The following EYS variants were observed in gnomAD, a reference collection of about 807,000 sequenced individuals.
EYS encodes the protein EGF-like photoreceptor maintenance factor, also known as protein eyes shut homolog.
A neutral mutation model predicts 282.1 loss-of-function variants in EYS; 250 were observed. That is an observed-to-expected ratio of 0.89 (90% CI 0.80 to 0.98). The LOEUF is 0.98. Among genes scored for constraint, EYS ranks in the 50% least tolerant of loss-of-function variants. The pLI is 0.00. For synonymous variants in EYS, 1,355 were observed against 1,282.9 expected (o/e 1.06, Z -1.20); for missense variants, 4,016 against 3,709.0 (o/e 1.08, Z -2.15).
intron 31 of EYS, among the ~76,000 whole-genome samples, chr6:64,228,579 G>A (rs1040913520): frequency 1.3e-5 from 2 of 152,002 alleles, no homozygotes; most frequent in Non-Finnish European, 2.9e-5. Flanking sequence ...TTAATGGTTA[G>A]CAAAACATTA....
At chr6:64,566,897 C>T (rs1765582802) in intron 26 of EYS, among the ~76,000 whole-genome samples, 1 of 152,088 alleles carries the variant, frequency 6.6e-6, no homozygotes, top group African/African-American at 2.4e-5. Flanking sequence ...CCTCAGCCTC[C>T]CAAGCAGCTG....
rs376084012 is a variant in EYS at position 65,460,623 on chromosome 6, C to A, written c.862+29971G>T. On this transcript the variant is annotated intron_variant, in intron 5 of 42. Transcript: ENST00000503581. ...ATTCATGCTGACGTAGAGCCAAAAGCCAGCTTTAGTTTACTCAGCCTTCCT... is the reference window on the plus strand; with the variant it reads ...ATTCATGCTGACGTAGAGCCAAAAGACAGCTTTAGTTTACTCAGCCTTCCT... Among the ~76,000 whole-genome samples, 44 of 152,124 alleles carry A rather than the reference C, an allele frequency of 2.9e-4. 1 individual carries two copies. The South Asian group carries it at 9.1e-3, about 32-fold the overall frequency.
chr6:65,247,898 C>T (rs986387102), intron 12 of EYS, among the ~76,000 whole-genome samples: 2 of 151,878 alleles, frequency 1.3e-5, no homozygotes, highest in Non-Finnish European at 2.9e-5. Flanking sequence ...TTAGGCTTTA[C>T]AATTAAATAG....
At chr6:64,499,868 C>A (rs72872787) in intron 26 of EYS, among the ~76,000 whole-genome samples, 8 of 152,198 alleles carry the variant, frequency 5.3e-5, no homozygotes, top group Non-Finnish European at 1.0e-4. Context: ...TTCTGCTTAA[C>A]TCTGAAATGC....
intron 22 of EYS, among the ~76,000 whole-genome samples, chr6:64,765,752 C>T (rs1307510467): frequency 6.6e-6 from 1 of 152,026 alleles, no homozygotes; most frequent in Non-Finnish European, 1.5e-5. Flanking sequence ...ACTATCAGAT[C>T]TCATGAGATC....
chr6:65,080,379 C>T (rs1188661240), intron 12 of EYS, among the ~76,000 whole-genome samples: 1 of 152,058 alleles, frequency 6.6e-6, no homozygotes, highest in African/African-American at 2.4e-5. Flanking sequence ...CTTAATGTGA[C>T]TTTTTTAAGC....
At chr6:65,443,163 T>C (rs568062331) in intron 5 of EYS, among the ~76,000 whole-genome samples, 2 of 144,754 alleles carry the variant, frequency 1.4e-5, no homozygotes, top group Admixed American at 7.1e-5. Context: ...TACACATATA[T>C]GAGCACATAT....
chr6:65,248,053 G>A (rs888654017), intron 12 of EYS, among the ~76,000 whole-genome samples: 1 of 151,872 alleles, frequency 6.6e-6, no homozygotes, highest in Non-Finnish European at 1.5e-5. Context: ...TTATTTAAAA[G>A]AAAGAAAAGC....
chr6:65,273,556 A>G (rs149211760), intron 12 of EYS, among the ~76,000 whole-genome samples: 1 of 152,250 alleles, frequency 6.6e-6, no homozygotes, highest in East Asian at 1.9e-4. Context: ...AGACACCCCC[A>G]ATCCAGAGCA....
rs1165424683 is a variant in EYS, at chr6:63,757,453, G to T, written c.8071+5008C>A. ...AGCTGAACATAGACCCTTATCAGGA[G>T]TTTTTGACTTTGCCCTTTGCCTTGT... On this transcript the variant is annotated intron_variant, in intron 41 of 42. Coordinates refer to ENST00000503581, the MANE Select transcript of EYS (RefSeq NM_001142800.2). Among the ~76,000 whole-genome samples, 3 of 152,074 alleles carry T rather than the reference G, an allele frequency of 2.0e-5. No individual in the cohort carries two copies. In the East Asian group the frequency reaches 5.8e-4, roughly 29 times the overall value.
intron 8 of EYS, among the ~76,000 whole-genome samples, chr6:65,356,940 T>C (rs887351385): frequency 2.6e-5 from 4 of 152,010 alleles, no homozygotes; most frequent in African/African-American, 7.2e-5. Flanking sequence ...TGAAAATAGA[T>C]GTACAATATA....
intron 26 of EYS, among the ~76,000 whole-genome samples, chr6:64,447,637 AG>A (rs1230357681): frequency 1.3e-5 from 2 of 152,238 alleles, no homozygotes; most frequent in African/African-American, 2.4e-5. Context: ...TGCCAAAAAA[AG>A]TTTACAAAAC....
In EYS at chr6:64,658,628, C is replaced by T. The variant is rs536643915; in HGVS notation, c.3444-32383G>A. ...GTTTGCTGGAGATCCACTCCAGACC[C>T]TGTTTGCCTGGGTATCAGCAGCGGA... On this transcript the variant is annotated intron_variant, in intron 22 of 42. Coordinates refer to ENST00000503581, the MANE Select transcript of EYS (RefSeq NM_001142800.2). Among the ~76,000 whole-genome samples, 3 of 152,304 alleles carry T rather than the reference C, an allele frequency of 2.0e-5. No homozygotes were observed. The East Asian group carries it at 5.8e-4, about 29-fold the overall frequency.
At chr6:65,072,073 T>C (rs768196878) in intron 12 of EYS, among the ~76,000 whole-genome samples, 1 of 151,768 alleles carries the variant, frequency 6.6e-6, no homozygotes, top group East Asian at 1.9e-4. Context: ...CTAAGACAAA[T>C]AGTAAGCTCC....
chr6:64,495,123 C>T (rs1397097325), intron 26 of EYS, among the ~76,000 whole-genome samples: 1 of 151,494 alleles, frequency 6.6e-6, no homozygotes, highest in African/African-American at 2.4e-5. Context: ...TATTTTAATG[C>T]TAAGATAATA....
At chr6:65,294,742 C>G (rs1198980024) in intron 12 of EYS, among the ~76,000 whole-genome samples, 3 of 149,182 alleles carry the variant, frequency 2.0e-5, no homozygotes, top group Admixed American at 2.0e-4. Context: ...TACTGCTTAA[C>G]TATATATTTA....
intron 26 of EYS, among the ~76,000 whole-genome samples, chr6:64,540,254 C>T (rs1038603823): frequency 1.3e-5 from 2 of 152,122 alleles, no homozygotes; most frequent in African/African-American, 4.8e-5. Context: ...CTTGACTCTG[C>T]TCAAGGAGCT....
chr6:64,048,031 A>T (rs1770686351), intron 33 of EYS, among the ~76,000 whole-genome samples: 2 of 152,024 alleles, frequency 1.3e-5, no homozygotes, highest in African/African-American at 4.8e-5. Flanking sequence ...TCAGCCTCCC[A>T]AGTAGCTGGG....
chr6:64,406,068 G>C (rs1773695724), intron 28 of EYS, among the ~76,000 whole-genome samples: 1 of 152,072 alleles, frequency 6.6e-6, no homozygotes, highest in East Asian at 1.9e-4. Context: ...TGTACTACAA[G>C]TTCACAGTAA....
Sources: allele counts gnomAD v4.1 joint callset (sites outside exome capture counted in the v4.1 genomes callset), GRCh38; gene constraint gnomAD v4.1.1; transcripts MANE v1.5; gene names NCBI Gene and HGNC (gene_info 2026-07-23, HGNC 2026-07-21).